CFDP1: variants seen among roughly 807,000 people sequenced by gnomAD.
CFDP1 encodes heterochromatin-stabilizing protein CFDP1.
Under a neutral mutation model 40.1 loss-of-function variants are expected in CFDP1, and 31 were observed. That is an observed-to-expected ratio of 0.77 (90% CI 0.58 to 1.04). The LOEUF (loss-of-function observed/expected upper bound fraction) is 1.04, where lower values mean the gene tolerates loss of function less well. Among genes scored for constraint, CFDP1 ranks in the 50% least tolerant of loss-of-function variants. The pLI, the probability that CFDP1 is intolerant of heterozygous loss-of-function variation, is 0.00. For missense variants in CFDP1, 423 were observed against 343.4 expected (o/e 1.23, Z -1.83); for synonymous variants, 167 against 120.0 (o/e 1.39, Z -2.56).
At chr16:75,417,073 T>TA (rs1206138038) in intron 1 of CFDP1, among the ~76,000 whole-genome samples, 1 of 151,942 alleles carries the variant, frequency 6.6e-6, no homozygotes, top group Non-Finnish European at 1.5e-5. Flanking sequence ...CTTGGGAGGC[T>TA]AAGGGGAGGA....
chr16:75,356,674 TC>T (rs1310614428), intron 5 of CFDP1, among the ~76,000 whole-genome samples: 11 of 152,248 alleles, frequency 7.2e-5, no homozygotes, highest in East Asian at 3.9e-4. Flanking sequence ...GACTTCTCCT[TC>T]CGAGCTAACT....
At chr16:75,333,987 TCA>T (rs2151516594) in intron 5 of CFDP1, among the ~76,000 whole-genome samples, 1 of 152,234 alleles carries the variant, frequency 6.6e-6, no homozygotes, top group Non-Finnish European at 1.5e-5. Flanking sequence ...AATCAATCCT[TCA>T]CATTTTCTAC....
chr16:75,319,029 C>T (rs1285812308), intron 5 of CFDP1, among the ~76,000 whole-genome samples: 2 of 152,140 alleles, frequency 1.3e-5, no homozygotes, highest in East Asian at 3.9e-4. Flanking sequence ...AAATTACTCC[C>T]TCTCAATACC....
At chr16:75,420,559 TG>T (rs1467024240) in intron 1 of CFDP1, among the ~76,000 whole-genome samples, 1 of 152,202 alleles carries the variant, frequency 6.6e-6, no homozygotes, top group Non-Finnish European at 1.5e-5. Flanking sequence ...GACTCAAGGA[TG>T]GAACAACTGG....
intron 5 of CFDP1, among the ~76,000 whole-genome samples, chr16:75,390,445 G>C (rs2078938119): frequency 6.6e-6 from 1 of 152,190 alleles, no homozygotes; most frequent in African/African-American, 2.4e-5. Flanking sequence ...CCTTGAGCAA[G>C]AATCACCCTC....
intron 5 of CFDP1, among the ~76,000 whole-genome samples, chr16:75,335,327 T>C (rs904731729): frequency 2.6e-5 from 4 of 152,200 alleles, no homozygotes; most frequent in Non-Finnish European, 4.4e-5. Context: ...ATTTGGCTTA[T>C]GTTCGTGGTC....
intron 1 of CFDP1, among the ~76,000 whole-genome samples, chr16:75,415,422 G>C (rs907446240): frequency 6.6e-6 from 1 of 152,140 alleles, no homozygotes; most frequent in Non-Finnish European, 1.5e-5. Context: ...CAGTTCAATG[G>C]AATGACACAC....
In CFDP1 at chr16:75,354,286, A is replaced by G. The variant is rs150402395; in HGVS notation, c.650+40804T>C. Among the ~76,000 whole-genome samples, 83 of 152,310 alleles carry G rather than the reference A, an allele frequency of 5.4e-4. 1 individual carries two copies. The East Asian group carries it at 0.015, about 28-fold the overall frequency. On this transcript the variant is annotated intron_variant, in intron 5 of 6. Coordinates refer to ENST00000283882, the MANE Select transcript of CFDP1 (RefSeq NM_006324.3). ...GCATTTATTGGGACATAACCCCATC[A>G]TATGTCAAGGAACATGTGTAGTAAC...
At chr16:75,328,333 C>G (rs1274760429) in intron 5 of CFDP1, among the ~76,000 whole-genome samples, 1 of 148,870 alleles carries the variant, frequency 6.7e-6, no homozygotes, top group Admixed American at 6.7e-5. Flanking sequence ...GCCTGCAATC[C>G]TGGCACTTTG....
At chr16:75,433,093 G>C (rs1356272439) in intron 1 of CFDP1, among the ~76,000 whole-genome samples, 196 bp downstream of exon 1, 1 of 152,218 alleles carries the variant, frequency 6.6e-6, no homozygotes, top group East Asian at 1.9e-4. Context: ...AACGGGAGGG[G>C]AGCACAGAAC....
intron 1 of CFDP1, among the ~76,000 whole-genome samples, chr16:75,415,727 A>G (rs1278752266): frequency 6.6e-6 from 1 of 152,200 alleles, no homozygotes; most frequent in Non-Finnish European, 1.5e-5. Context: ...CTGAACAGTA[A>G]ATAGTGTGTC....
intron 6 of CFDP1, among the ~76,000 whole-genome samples, chr16:75,300,744 C>A (rs2078216185): frequency 1.3e-5 from 2 of 151,820 alleles, no homozygotes; most frequent in African/African-American, 4.8e-5. Flanking sequence ...CAACTAACAG[C>A]TGAAATGTAA....
At chr16:75,400,871 A>T (rs1597385503) in intron 4 of CFDP1, among the ~76,000 whole-genome samples, 1 of 152,204 alleles carries the variant, frequency 6.6e-6, no homozygotes, top group East Asian at 1.9e-4. Context: ...GGCCTGTCAT[A>T]TCAATTCTAC....
intron 5 of CFDP1, among the ~76,000 whole-genome samples, chr16:75,363,477 CCT>C (rs749430285): frequency 1.4e-3 from 220 of 151,878 alleles, no homozygotes; most frequent in Non-Finnish European, 2.2e-3. Flanking sequence ...CTCACTGCAA[CCT>C]CTGCCTCCTG....
intron 4 of CFDP1, among the ~76,000 whole-genome samples, chr16:75,406,072 T>G (rs753278787): frequency 7.9e-5 from 12 of 151,392 alleles, no homozygotes; most frequent in Middle Eastern, 3.4e-3. Context: ...CAAGACCCCA[T>G]CTCTACAAAA....
At chr16:75,428,289 G>A (rs895372005) in intron 1 of CFDP1, among the ~76,000 whole-genome samples, 1 of 152,120 alleles carries the variant, frequency 6.6e-6, no homozygotes, top group Non-Finnish European at 1.5e-5. Context: ...TGCTGATACT[G>A]CATTTACAAA....
intron 5 of CFDP1, among the ~76,000 whole-genome samples, chr16:75,327,316 G>A (rs1020149967): frequency 2.6e-5 from 4 of 152,048 alleles, no homozygotes; most frequent in African/African-American, 9.7e-5. Flanking sequence ...GGAAGACATG[G>A]AATCCAAGAA....
chr16:75,297,145 C>CGGG (rs57113150), intron 6 of CFDP1, among the ~76,000 whole-genome samples: 1 of 139,058 alleles, frequency 7.2e-6, no homozygotes. Flanking sequence ...CTTCCCATTT[C>CGGG]TTGTGTGTGT....
intron 5 of CFDP1, among the ~76,000 whole-genome samples, chr16:75,332,183 G>C (rs2078450624): frequency 6.6e-6 from 1 of 152,148 alleles, no homozygotes; most frequent in Non-Finnish European, 1.5e-5. Flanking sequence ...AATAAAATTA[G>C]GCCAGGTGCG....
Sources: allele counts gnomAD v4.1 joint callset (sites outside exome capture counted in the v4.1 genomes callset), GRCh38; gene constraint gnomAD v4.1.1; transcripts MANE v1.5; gene names NCBI Gene and HGNC (gene_info 2026-07-23, HGNC 2026-07-21).